Variants in CACNA1E observed in about 807,000 individuals in gnomAD.
CACNA1E encodes voltage-dependent R-type calcium channel subunit alpha-1E.
In CACNA1E, 40 loss-of-function variants were observed where a neutral mutation model predicts 259.2. That is an observed-to-expected ratio of 0.15 (90% confidence interval 0.12 to 0.20). The LOEUF is 0.20. CACNA1E is among the 10% of genes least tolerant of loss of function. The pLI, the probability that CACNA1E is intolerant of heterozygous loss-of-function variation, is 1.00. For missense variants in CACNA1E, 1,874 were observed against 3,040.1 expected, an observed-to-expected ratio of 0.62 and a Z score of 9.02; for synonymous variants, 1,104 against 1,138.5, an observed-to-expected ratio of 0.97 and a Z score of 0.61.
intron 1 of CACNA1E, among the ~76,000 whole-genome samples, chr1:181,400,420 C>T (rs1256333145): frequency 6.6e-6 from 1 of 152,142 alleles, no homozygotes; most frequent in African/African-American, 2.4e-5. Context: ...TGCAGACCCT[C>T]TGGGGAGGCT....
intron 3 of CACNA1E, among the ~76,000 whole-genome samples, chr1:181,519,345 A>G (rs1666827684): frequency 6.6e-6 from 1 of 152,206 alleles, no homozygotes; most frequent in Non-Finnish European, 1.5e-5. Context: ...GTGAAAATGC[A>G]GCAGCACTAT....
chr1:181,543,598 T>G (rs1668760763), intron 3 of CACNA1E, among the ~76,000 whole-genome samples: 1 of 152,206 alleles, frequency 6.6e-6, no homozygotes, highest in South Asian at 2.1e-4. Flanking sequence ...CTCTGCAGAC[T>G]GAGAAGAGGG....
intron 3 of CACNA1E, among the ~76,000 whole-genome samples, chr1:181,565,531 C>T (rs1289389872): frequency 6.6e-6 from 1 of 152,150 alleles, no homozygotes; most frequent in East Asian, 1.9e-4. Flanking sequence ...CTCTATTGGT[C>T]CTAACTCCAA....
At chr1:181,622,098 A>G (rs1237139329) in intron 6 of CACNA1E, among the ~76,000 whole-genome samples, 1 of 152,168 alleles carries the variant, frequency 6.6e-6, no homozygotes, top group Non-Finnish European at 1.5e-5. Context: ...AGTTAGGTCA[A>G]CAGGGACTCC....
chr1:181,543,047 A>C (rs1668720153), intron 3 of CACNA1E, among the ~76,000 whole-genome samples: 1 of 151,946 alleles, frequency 6.6e-6, no homozygotes, highest in African/African-American at 2.4e-5. Context: ...TTTAAAGTCA[A>C]ATGTCACATA....
chr1:181,336,044 T>C (rs535005470), intron 1 of CACNA1E, among the ~76,000 whole-genome samples: 1 of 152,356 alleles, frequency 6.6e-6, no homozygotes, highest in Non-Finnish European at 1.5e-5. Context: ...GTCTAATCAA[T>C]AGAACTTACT....
chr1:181,794,019 G>T (rs574565136), intron 45 of CACNA1E, among the ~76,000 whole-genome samples: 4 of 152,066 alleles, frequency 2.6e-5, no homozygotes, highest in African/African-American at 9.7e-5. Context: ...ACTTCACTCC[G>T]GACGGGTTAA....
intron 35 of CACNA1E, among the ~76,000 whole-genome samples, chr1:181,768,976 T>C (rs1271322381): frequency 1.3e-5 from 2 of 152,164 alleles, no homozygotes; most frequent in African/African-American, 2.4e-5. Context: ...CAAAGGCGCC[T>C]TGGAAAAAGG....
chr1:181,444,905 T>C (rs1315740294), intron 2 of CACNA1E, among the ~76,000 whole-genome samples: 2 of 152,186 alleles, frequency 1.3e-5, no homozygotes, highest in African/African-American at 4.8e-5. Context: ...TCTTCCATTT[T>C]TCCCAGCTGT....
intron 6 of CACNA1E, among the ~76,000 whole-genome samples, chr1:181,594,427 C>T (rs914494235): frequency 7.9e-5 from 12 of 152,122 alleles, no homozygotes; most frequent in Non-Finnish European, 2.9e-5. Flanking sequence ...TGTATTTGGG[C>T]CAAGTGTTTC....
chr1:181,457,976 T>C, intron 2 of CACNA1E, among the ~76,000 whole-genome samples: 1 of 152,224 alleles, frequency 6.6e-6, no homozygotes, highest in African/African-American at 2.4e-5. Flanking sequence ...GATGTTGGCC[T>C]GCATGGATTC....
chr1:181,783,337 G>A (rs1388881723), intron 39 of CACNA1E, among the ~76,000 whole-genome samples: 1 of 152,202 alleles, frequency 6.6e-6, no homozygotes, highest in Non-Finnish European at 1.5e-5. Context: ...CTTTCCTTGA[G>A]CCACTTCTTT....
chr1:181,547,428 G>C (rs1208480284), intron 3 of CACNA1E, among the ~76,000 whole-genome samples: 1 of 152,210 alleles, frequency 6.6e-6, no homozygotes, highest in Non-Finnish European at 1.5e-5. Flanking sequence ...AGCCTTTCAC[G>C]ATGACACGGG....
At chr1:181,769,821 G>T (rs1236662782) in intron 35 of CACNA1E, among the ~76,000 whole-genome samples, 1 of 152,188 alleles carries the variant, frequency 6.6e-6, no homozygotes, top group Non-Finnish European at 1.5e-5. Flanking sequence ...CAAGAGGGAA[G>T]AAGAGGGCAG....
intron 2 of CACNA1E, among the ~76,000 whole-genome samples, chr1:181,421,934 CCCTATCCGA>C (rs1189914838): frequency 2.0e-5 from 3 of 152,182 alleles, no homozygotes; most frequent in Non-Finnish European, 4.4e-5. Context: ...GCTCATAAAG[CCCTATCCGA>C]CCTGAGCTTT....
chr1:181,405,248 C>T (rs1571784354), intron 1 of CACNA1E, among the ~76,000 whole-genome samples: 1 of 152,144 alleles, frequency 6.6e-6, no homozygotes, highest in East Asian at 1.9e-4. Flanking sequence ...TTGGAGATCC[C>T]CAGTGCTACT....
intron 1 of CACNA1E, among the ~76,000 whole-genome samples, chr1:181,494,112 C>T (rs964736177): frequency 5.3e-5 from 8 of 152,148 alleles, no homozygotes; most frequent in East Asian, 1.9e-4. Context: ...TTCTCTTGGC[C>T]GAATAAGACC....
At chr1:181,455,513 A>G (rs1661406755) in intron 2 of CACNA1E, among the ~76,000 whole-genome samples, 1 of 152,158 alleles carries the variant, frequency 6.6e-6, no homozygotes, top group South Asian at 2.1e-4. Context: ...GTGCTCGTAA[A>G]AAATTCACCC....
chr1:181,683,760 A>G (rs1650229388), intron 7 of CACNA1E, among the ~76,000 whole-genome samples: 2 of 152,200 alleles, frequency 1.3e-5, no homozygotes, highest in African/African-American at 4.8e-5. Context: ...GCTGCAAAGG[A>G]CATGATTTCA....
Sources: gnomAD v4.1 joint callset for allele counts (sites outside exome capture counted in the v4.1 genomes callset) on GRCh38, gnomAD v4.1.1 for gene constraint, MANE v1.5 for transcripts, NCBI Gene and HGNC (gene_info 2026-07-23, HGNC 2026-07-21) for gene names.